The following LAMA2 variants were observed in gnomAD, a reference collection of about 807,000 sequenced individuals.
LAMA2 encodes laminin subunit alpha 2.
A neutral mutation model predicts 364.8 loss-of-function variants in LAMA2; 269 were observed. The observed-to-expected ratio is 0.74, with a 90% CI of 0.67 to 0.82. LAMA2 has a LOEUF of 0.82. LAMA2 is among the 40% of genes least tolerant of loss of function. The pLI is 0.00. For missense variants in LAMA2, 3,807 were observed against 3,873.2 expected, an observed-to-expected ratio of 0.98 and a Z score of 0.45; for synonymous variants, 1,379 against 1,370.6, an observed-to-expected ratio of 1.01 and a Z score of -0.14.
chr6:129,298,300 G>A (rs574723087), intron 21 of LAMA2, among the ~76,000 whole-genome samples: 2 of 150,626 alleles, frequency 1.3e-5, no homozygotes, highest in South Asian at 4.2e-4. Context: ...TTTTTTTCCT[G>A]GTACCCCAAA....
intron 1 of LAMA2, among the ~76,000 whole-genome samples, chr6:128,970,411 A>G (rs1782118767): frequency 6.6e-6 from 1 of 152,192 alleles, no homozygotes; most frequent in Non-Finnish European, 1.5e-5. Context: ...TGACCTACGA[A>G]TGTTAAGAGT....
intron 55 of LAMA2, 49 bp downstream of exon 55, chr6:129,481,488 A>G (rs755204769): frequency 6.9e-7 from 1 of 1,447,868 alleles, no homozygotes; most frequent in East Asian, 2.3e-5. Flanking sequence ...GCTTATATAA[A>G]GCAGTTAACT....
chr6:129,021,316 A>G (rs1197780431), intron 1 of LAMA2, among the ~76,000 whole-genome samples: 5 of 152,226 alleles, frequency 3.3e-5, no homozygotes, highest in Non-Finnish European at 7.3e-5. Flanking sequence ...ATTCCCATGT[A>G]GACTTTTCTT....
chr6:129,509,813 C>A (rs1184909385), intron 62 of LAMA2, among the ~76,000 whole-genome samples: 1 of 152,070 alleles, frequency 6.6e-6, no homozygotes, highest in African/African-American at 2.4e-5. Context: ...GTTCCTTTTG[C>A]ATAGGATAGC....
At chr6:129,380,203 A>G (rs908441749) in intron 34 of LAMA2, among the ~76,000 whole-genome samples, 17 of 152,204 alleles carry the variant, frequency 1.1e-4, no homozygotes, top group African/African-American at 4.1e-4. Context: ...TTGAATCTCG[A>G]AAGCTGGATT....
chr6:129,169,866 C>A (rs1324413761), intron 9 of LAMA2, among the ~76,000 whole-genome samples: 1 of 145,184 alleles, frequency 6.9e-6, no homozygotes, highest in African/African-American at 2.6e-5. Flanking sequence ...TTCAGAGATT[C>A]AACTTCTTCC....
Position 128,883,343 on chromosome 6 carries a change from C to A in LAMA2, c.98C>A (p.Ala33Glu), listed in dbSNP as rs750280423. Residue 33 changes from alanine (A) to glutamate (E), a missense_variant, in exon 1 of 65, where the codon GCA (alanine) becomes GAA (glutamate). Around this residue, in one of 3 missense-constraint regions of LAMA2, gnomAD observed 394 missense variants for 403.5 expected, o/e 0.98. Coordinates refer to ENST00000421865, the MANE Select transcript of LAMA2 (RefSeq NM_000426.4). ...QRPQQQRQSQAHQQRGLFPAV... is the reference protein window; with the variant it reads ...QRPQQQRQSQEHQQRGLFPAV... ...CCGCAGCAGCAGCGGCAGTCACAGG[C>A]ACATCAGCAAAGAGGTACAGTCGAG... The A allele has an allele frequency of 3.1e-5, 50 of 1,598,168 alleles. No individual in the cohort carries two copies. The highest frequency in any genetic ancestry group is 6.8e-5 in the South Asian group (6 of 88,376).
intron 49 of LAMA2, among the ~76,000 whole-genome samples, chr6:129,462,394 G>A (rs970528692): frequency 1.3e-5 from 2 of 151,848 alleles, no homozygotes; most frequent in Non-Finnish European, 2.9e-5. Context: ...GCTTGATTTA[G>A]CCAAGCACTC....
intron 3 of LAMA2, among the ~76,000 whole-genome samples, chr6:129,083,938 G>T (rs994463754): frequency 6.6e-6 from 1 of 152,132 alleles, no homozygotes; most frequent in African/African-American, 2.4e-5. Context: ...AGATACACAC[G>T]ATTAGATTTT....
chr6:129,005,876 G>A (rs1028686751), intron 1 of LAMA2, among the ~76,000 whole-genome samples: 3 of 150,890 alleles, frequency 2.0e-5, no homozygotes, highest in African/African-American at 4.9e-5. Flanking sequence ...TGGCCATTTT[G>A]TCTATTTACC....
intron 60 of LAMA2, among the ~76,000 whole-genome samples, chr6:129,504,616 T>A (rs1327565552): frequency 6.6e-6 from 1 of 152,222 alleles, no homozygotes; most frequent in Non-Finnish European, 1.5e-5. Flanking sequence ...TCTCAGAAGA[T>A]AATTCACTCC....
At chr6:128,929,069 T>A in intron 1 of LAMA2, 3 of 1,454,450 alleles carry the variant, frequency 2.1e-6, no homozygotes, top group Non-Finnish European at 2.9e-6. Flanking sequence ...GTGGCTAATG[T>A]GGTCATCCAG....
chr6:128,953,503 A>G (rs1157301099), intron 1 of LAMA2, among the ~76,000 whole-genome samples: 1 of 151,978 alleles, frequency 6.6e-6, no homozygotes, highest in Non-Finnish European at 1.5e-5. Flanking sequence ...TCTGCTTGCC[A>G]TCTTCCAAGA....
At chr6:129,494,497 G>A (rs1785053070) in intron 58 of LAMA2, among the ~76,000 whole-genome samples, 1 of 152,310 alleles carries the variant, frequency 6.6e-6, no homozygotes, top group South Asian at 2.1e-4. Flanking sequence ...ACACTCTGAG[G>A]AATCCCTGCA....
intron 1 of LAMA2, among the ~76,000 whole-genome samples, chr6:129,020,603 G>A (rs1397911645): frequency 2.0e-5 from 3 of 152,144 alleles, no homozygotes; most frequent in Non-Finnish European, 4.4e-5. Flanking sequence ...AGTCTCTAAG[G>A]TAGCAATCCT....
At chr6:128,910,474 G>T (rs1437667746) in intron 1 of LAMA2, among the ~76,000 whole-genome samples, 4 of 151,956 alleles carry the variant, frequency 2.6e-5, no homozygotes, top group East Asian at 1.9e-4. Flanking sequence ...TCGAGCCTTG[G>T]TTTTCAGCTC....
chr6:129,418,465 A>T (rs1266514333), intron 40 of LAMA2, among the ~76,000 whole-genome samples: 3 of 152,138 alleles, frequency 2.0e-5, no homozygotes, highest in Non-Finnish European at 4.4e-5. Flanking sequence ...TTGATAAGAT[A>T]TTTATATTAC....
rs1467100769 is a variant in LAMA2, at chr6:128,923,195, C to CT, written c.112+39844dup. 4.0e-5 allele frequency among the ~76,000 whole-genome samples: 6 copies of CT among 149,120 alleles called. No homozygotes were observed. The South Asian group carries it at 1.3e-3, about 32-fold the overall frequency. On this transcript the variant is annotated intron_variant, in intron 1 of 64. Transcript: ENST00000421865. ...TAGGATTGACTTGGCGATGCGGGCT[C>CT]TTTTTTGGTTCCATATGAACTTTAA...
chr6:129,307,326 A>T (rs906779184), intron 22 of LAMA2, among the ~76,000 whole-genome samples: 4 of 152,048 alleles, frequency 2.6e-5, no homozygotes, highest in African/African-American at 9.7e-5. Context: ...TTCCAATGCC[A>T]TTTTCCTTCA....
Sources: allele counts gnomAD v4.1 joint callset (sites outside exome capture counted in the v4.1 genomes callset), GRCh38; gene constraint gnomAD v4.1.1; regional missense constraint gnomAD v4.1.1; transcripts MANE v1.5; gene names NCBI Gene and HGNC (gene_info 2026-07-23, HGNC 2026-07-21).